GPR15LG: variants seen among roughly 807,000 people sequenced by gnomAD.
GPR15LG encodes the protein protein GPR15LG.
chr10:84,182,474 C>A, the GPR15LG span, among the ~76,000 whole-genome samples: 26 of 152,242 alleles, frequency 1.7e-4, no homozygotes, highest in East Asian at 3.7e-3. Context: ...CTGATCTTGG[C>A]TGGGGTCTCT....
At chr10:84,180,427 G>A in the GPR15LG span, among the ~76,000 whole-genome samples, 1 of 152,094 alleles carries the variant, frequency 6.6e-6, no homozygotes, top group Admixed American at 6.5e-5. Context: ...GCCGGGCAGA[G>A]GGGCTCCTCA....
chr10:84,184,954 C>A, the GPR15LG span: 1 of 1,441,948 alleles, frequency 6.9e-7, no homozygotes. Flanking sequence ...GTGCCATCAA[C>A]TTTCAGAGCT....
At chr10:84,175,776 GA>G in the GPR15LG span, among the ~76,000 whole-genome samples, 1 of 152,192 alleles carries the variant, frequency 6.6e-6, no homozygotes, top group Non-Finnish European at 1.5e-5. Context: ...AGAGTGCTAG[GA>G]TCACAGGCAT....
At chr10:84,181,612 C>A in the GPR15LG span, among the ~76,000 whole-genome samples, 1 of 152,000 alleles carries the variant, frequency 6.6e-6, no homozygotes, top group Non-Finnish European at 1.5e-5. Context: ...GCAAAGACAG[C>A]GTCTTACTAT....
the GPR15LG span, among the ~76,000 whole-genome samples, chr10:84,184,071 G>A: frequency 2.0e-5 from 3 of 151,192 alleles, no homozygotes; most frequent in Non-Finnish European, 2.9e-5. Flanking sequence ...TGTAATCCCA[G>A]TACTTTGGGA....
At chr10:84,180,861 G>A in the GPR15LG span, among the ~76,000 whole-genome samples, 1 of 152,270 alleles carries the variant, frequency 6.6e-6, no homozygotes, top group African/African-American at 2.4e-5. Flanking sequence ...GAGGCTGGCA[G>A]ATCACTCGTG....
chr10:84,176,088 A>G, the GPR15LG span, among the ~76,000 whole-genome samples: 1 of 151,764 alleles, frequency 6.6e-6, no homozygotes, highest in Non-Finnish European at 1.5e-5. Context: ...GGGTTTCTCC[A>G]TGTTGGTCAG....
chr10:84,176,565 G>A, the GPR15LG span: 28 of 1,613,012 alleles, frequency 1.7e-5, no homozygotes, highest in Non-Finnish European at 2.2e-5. Flanking sequence ...CAACAAACCT[G>A]AAAGGTAAGT....
the GPR15LG span, among the ~76,000 whole-genome samples, chr10:84,179,701 A>G: frequency 1.3e-5 from 2 of 152,148 alleles, no homozygotes; most frequent in Admixed American, 6.5e-5. Context: ...TCCTCGTTCT[A>G]TGGTGTCTTT....
chr10:84,184,726 C>G, the GPR15LG span: 1 of 1,613,908 alleles, frequency 6.2e-7, no homozygotes, highest in Admixed American at 1.7e-5. Flanking sequence ...GAGCCAGAGC[C>G]CCGCCTTTGG....
At chr10:84,183,876 G>A in the GPR15LG span, among the ~76,000 whole-genome samples, 2 of 152,004 alleles carry the variant, frequency 1.3e-5, no homozygotes, top group Admixed American at 6.5e-5. Flanking sequence ...GAACCCCTGG[G>A]CTTAAGTGAT....
At chr10:84,176,143 C>T in the GPR15LG span, among the ~76,000 whole-genome samples, 1 of 152,098 alleles carries the variant, frequency 6.6e-6, no homozygotes, top group African/African-American at 2.4e-5. Flanking sequence ...CCACCTCAGC[C>T]TCCCAAAGAG....
At chr10:84,175,274 T>G in the GPR15LG span, among the ~76,000 whole-genome samples, 3 of 152,188 alleles carry the variant, frequency 2.0e-5, no homozygotes, top group African/African-American at 7.2e-5. Context: ...GCCCGTGACA[T>G]GCAATTTATC....
At chr10:84,176,500 G>A in the GPR15LG span, 2 of 1,613,692 alleles carry the variant, frequency 1.2e-6, no homozygotes, top group Non-Finnish European at 1.7e-6. Context: ...TCCTGCCAAG[G>A]CCTGGTCAGG....
the GPR15LG span, among the ~76,000 whole-genome samples, chr10:84,176,832 G>T: frequency 6.6e-6 from 1 of 152,218 alleles, no homozygotes; most frequent in Admixed American, 6.5e-5. Flanking sequence ...TAGGTGGGAG[G>T]TGTCTGAGGA....
At chr10:84,181,124 C>T in the GPR15LG span, among the ~76,000 whole-genome samples, 1 of 145,688 alleles carries the variant, frequency 6.9e-6, no homozygotes, top group Admixed American at 6.7e-5. Flanking sequence ...AGAGGGAGAC[C>T]GTGCAAAGAG....
chr10:84,177,132 G>C, the GPR15LG span, among the ~76,000 whole-genome samples: 1 of 152,318 alleles, frequency 6.6e-6, no homozygotes, highest in South Asian at 2.1e-4. Flanking sequence ...AGAGATGCCA[G>C]CAGGCAGCAT....
the GPR15LG span, among the ~76,000 whole-genome samples, chr10:84,174,450 C>CTATAGATA: frequency 6.8e-6 from 1 of 148,090 alleles, no homozygotes; most frequent in Non-Finnish European, 1.5e-5. Context: ...CTTTTTACCT[C>CTATAGATA]TATAGATATG....
chr10:84,184,177 C>T, the GPR15LG span, among the ~76,000 whole-genome samples: 1 of 144,874 alleles, frequency 6.9e-6, no homozygotes, highest in Non-Finnish European at 1.5e-5. Flanking sequence ...AAAAAAAAAA[C>T]TATAAAAATA....
Sources: allele counts gnomAD v4.1 joint callset (sites outside exome capture counted in the v4.1 genomes callset), GRCh38; gene constraint gnomAD v4.1.1; transcripts MANE v1.5; gene names NCBI Gene and HGNC (gene_info 2026-07-23, HGNC 2026-07-21).